The following PAXIP1 variants were observed in gnomAD, a reference collection of about 807,000 sequenced individuals.
PAXIP1 encodes the protein PAX interacting protein 1.
A neutral mutation model predicts 140.6 loss-of-function variants in PAXIP1; 19 were observed. That is an observed-to-expected ratio of 0.14 (90% CI 0.09 to 0.20). The LOEUF is 0.20. Among genes scored for constraint, PAXIP1 ranks in the 10% least tolerant of loss-of-function variants. PAXIP1 has a pLI of 1.00. For missense variants in PAXIP1, 920 were observed against 1,208.6 expected (o/e 0.76, Z 3.54); for synonymous variants, 442 against 444.6 (o/e 0.99, Z 0.07).
chr7:154,990,812 C>T (rs1810296328), intron 4 of PAXIP1, among the ~76,000 whole-genome samples, 194 bp downstream of exon 4: 1 of 151,738 alleles, frequency 6.6e-6, no homozygotes, highest in African/African-American at 2.4e-5. Flanking sequence ...CCATTTTCAC[C>T]CATTAAAAAC....
At position 154,946,449 on chromosome 7, in the gene PAXIP1, T is replaced by G. The variant is rs770202739; in HGVS notation, c.3134-24A>C. ...ATCTGAACAGGGTGGAAACAGACAC[T>G]TTAGTTAGAGATCCACTGCTGTGCG... On this transcript the variant is annotated intron_variant, in intron 19 of 20. Coordinates refer to ENST00000404141, the MANE Select transcript of PAXIP1 (RefSeq NM_007349.4). The surrounding 1 kb of genome is among the most constrained non-coding windows in gnomAD (Gnocchi z 4.9). 1 of 1,611,952 alleles carries G rather than the reference T, an allele frequency of 6.2e-7. No individual in the cohort carries two copies. Among genetic ancestry groups the G allele is most frequent in the Admixed American group, 1.7e-5 (1 of 60,016 alleles).
chr7:154,987,215 C>G (rs1321599153), intron 4 of PAXIP1, among the ~76,000 whole-genome samples: 1 of 152,200 alleles, frequency 6.6e-6, no homozygotes, highest in Non-Finnish European at 1.5e-5. Flanking sequence ...ACTGAGCCAG[C>G]TGATACTCCT....
chr7:154,952,318 A>G (rs1047882522), intron 16 of PAXIP1: 4 of 152,238 alleles, frequency 2.6e-5, no homozygotes, highest in Admixed American at 6.5e-5. Context: ...CGTGGACTGG[A>G]AAAGATTCAG....
intron 4 of PAXIP1, among the ~76,000 whole-genome samples, chr7:154,985,676 A>G (rs184765232): frequency 6.6e-6 from 1 of 152,358 alleles, no homozygotes; most frequent in Admixed American, 6.5e-5. Flanking sequence ...GCCCCCAGGA[A>G]TAAAAGCTTT....
In PAXIP1 at chr7:154,995,000, C is replaced by A. The variant is rs986124968; in HGVS notation, c.217-1231G>T. 2.0e-5 allele frequency among the ~76,000 whole-genome samples: 3 copies of A among 152,186 alleles called. No individual in the cohort carries two copies. In the East Asian group the frequency reaches 5.8e-4, roughly 29 times the overall value. ...CATCAGGAATCGGTATTGGCCTTGA[C>A]ACTTCTGAATTCAGAACACCTTCAT... On this transcript the variant is annotated intron_variant, in intron 2 of 20. Transcript: ENST00000404141.
intron 6 of PAXIP1, among the ~76,000 whole-genome samples, chr7:154,970,050 C>G (rs552752454): frequency 3.0e-4 from 46 of 152,270 alleles, no homozygotes; most frequent in South Asian, 6.2e-4. Context: ...AGATGCCCAC[C>G]AAGCAGAGTA....
chr7:154,961,687 G>A, intron 10 of PAXIP1, 39 bp from the exon 11 acceptor site: 1 of 1,513,776 alleles, frequency 6.6e-7, no homozygotes, highest in Non-Finnish European at 8.9e-7. Context: ...CACAAAATAA[G>A]CAAAAAACCA....
At chr7:154,987,874 T>C (rs116594779) in intron 4 of PAXIP1, among the ~76,000 whole-genome samples, 59 of 152,218 alleles carry the variant, frequency 3.9e-4, no homozygotes, top group African/African-American at 1.3e-3. Context: ...CTGAATCCCA[T>C]CTCCATTTGT....
chr7:154,979,992 G>A (rs755897229), intron 5 of PAXIP1, among the ~76,000 whole-genome samples: 4 of 152,148 alleles, frequency 2.6e-5, no homozygotes, highest in Admixed American at 1.3e-4. Flanking sequence ...ACCACTCCCC[G>A]AAATTTTGGA....
Position 154,963,207 on chromosome 7 carries a change from G to A in PAXIP1, c.1989+464C>T, listed in dbSNP as rs1293546053. On this transcript the variant is annotated intron_variant, in intron 9 of 20. Transcript: ENST00000404141. The surrounding 1 kb of genome is among the most constrained non-coding windows in gnomAD (Gnocchi z 4.1). ...TTATTTTTTTTTGAGATGGAGTCTC[G>A]CTGTGTCACTCAGGCTGGAGTGCAG... 3.3e-5 allele frequency among the ~76,000 whole-genome samples: 5 copies of A among 151,292 alleles called. No individual in the cohort carries two copies. The highest frequency in any genetic ancestry group is 2.1e-4 in the South Asian group (1 of 4,774).
At chr7:154,948,911 TATAAAGG>T (rs1389588388) in intron 16 of PAXIP1, 1 of 152,172 alleles carries the variant, frequency 6.6e-6, no homozygotes, top group Non-Finnish European at 1.5e-5. Flanking sequence ...TACAGCAATT[TATAAAGG>T]ATAGTTTTAT....
intron 2 of PAXIP1, among the ~76,000 whole-genome samples, chr7:154,995,708 G>A (rs1174551940): frequency 6.6e-5 from 10 of 152,098 alleles, no homozygotes; most frequent in Admixed American, 6.5e-4. Flanking sequence ...AAGTTAGCCG[G>A]GCGTGGTGGC....
chr7:154,996,448 T>C (rs1810616745), intron 2 of PAXIP1, among the ~76,000 whole-genome samples: 1 of 152,240 alleles, frequency 6.6e-6, no homozygotes, highest in Admixed American at 6.5e-5. Context: ...TAATCCTAGA[T>C]GCTAACTGCT....
Position 154,946,876 on chromosome 7 carries a change from A to G in PAXIP1, c.2923-63T>C, listed in dbSNP as rs1036807007. On this transcript the variant is annotated intron_variant, in intron 17 of 20. Coordinates refer to ENST00000404141, the MANE Select transcript of PAXIP1 (RefSeq NM_007349.4). The surrounding 1 kb of genome is among the most constrained non-coding windows in gnomAD (Gnocchi z 4.9). Reference sequence around the variant, plus strand: ...AATGCTTTAATTTTTAGAGTACATAATTCTCATAGATTCTGCCCTGAGATT... The same window carrying G: ...AATGCTTTAATTTTTAGAGTACATAGTTCTCATAGATTCTGCCCTGAGATT... The G allele has an allele frequency of 1.6e-6, 2 of 1,234,998 alleles. No homozygotes were observed. Among genetic ancestry groups the G allele is most frequent in the Admixed American group, 2.3e-5 (1 of 44,046 alleles). The allele number at this position is 1,234,998 out of a possible 1,614,324, so 76.5% of individuals were successfully genotyped here.
intron 1 of PAXIP1, among the ~76,000 whole-genome samples, chr7:154,999,705 G>C (rs2150791227): frequency 6.6e-6 from 1 of 152,342 alleles, no homozygotes; most frequent in Non-Finnish European, 1.5e-5. Context: ...ACGTGTTTTA[G>C]TTTGGGCATG....
chr7:154,992,112 C>T (rs1265329549), intron 3 of PAXIP1, among the ~76,000 whole-genome samples: 1 of 152,174 alleles, frequency 6.6e-6, no homozygotes, highest in Non-Finnish European at 1.5e-5. Flanking sequence ...AGGCAAATCT[C>T]AGAGTGCACT....
chr7:154,946,765 T>C lies in PAXIP1; in HGVS notation c.2971A>G (p.Met991Val). 6.2e-7 allele frequency: 1 copy of C among 1,612,258 alleles called. No individual in the cohort carries two copies. Among genetic ancestry groups the C allele is most frequent in the Non-Finnish European group, 8.5e-7 (1 of 1,178,886 alleles). Residue 991 changes from methionine to valine, a missense_variant, in exon 18 of 21, where the codon ATG becomes GTG. This residue lies in a region of PAXIP1 where 303 missense variants were observed against 517.9 expected (regional missense o/e 0.59). Transcript: ENST00000404141. The surrounding 1 kb of genome is among the most constrained non-coding windows in gnomAD (Gnocchi z 4.9). ...CCTGCACACTCTACGATTGCCTTCA[T>C]AGTGGAAAGACTTGGGCAGATTCCA... is the stretch of plus-strand genomic sequence containing the variant. ...TPGICPSLST[M>V]KAIVECAGGK...
chr7:154,969,168 G>A (rs1344118205), intron 6 of PAXIP1, 42 bp from the exon 7 acceptor site: 4 of 1,434,304 alleles, frequency 2.8e-6, no homozygotes, highest in African/African-American at 1.4e-5. Flanking sequence ...AACAGTTCCT[G>A]AAACAGATGA....
rs1202950259 is a variant in PAXIP1 at position 154,967,800 on chromosome 7, C to T, written c.1893+16G>A. On this transcript the variant is annotated intron_variant, in intron 8 of 20. Coordinates refer to ENST00000404141, the MANE Select transcript of PAXIP1 (RefSeq NM_007349.4). ...ATCTTCAGACACAGTCATCCTTCCT[C>T]CAGGCACAATCTCACCCTTTTCCAG... 1.3e-6 allele frequency: 2 copies of T among 1,580,988 alleles called. No individual in the cohort carries two copies. The highest frequency in any genetic ancestry group is 4.5e-5 in the East Asian group (2 of 44,694).
Sources: gnomAD v4.1 joint callset for allele counts (sites outside exome capture counted in the v4.1 genomes callset) on GRCh38, gnomAD v4.1.1 for gene constraint, gnomAD v4.1.1 regional missense constraint, Gnocchi (gnomAD v3.1) non-coding constraint, MANE v1.5 for transcripts, NCBI Gene and HGNC (gene_info 2026-07-23, HGNC 2026-07-21) for gene names.